The following DLG2 variants were observed in gnomAD, a reference collection of about 807,000 sequenced individuals.
DLG2 encodes the protein disks large homolog 2.
A neutral mutation model predicts 132.5 loss-of-function variants in DLG2; 45 were observed. The observed-to-expected ratio is 0.34, with a 90% CI of 0.27 to 0.44. DLG2 has a LOEUF of 0.44. DLG2 is among the 20% of genes least tolerant of loss of function. The pLI, the probability that DLG2 is intolerant of heterozygous loss-of-function variation, is 1.00. For synonymous variants in DLG2, 424 were observed against 419.6 expected (o/e 1.01, Z -0.13); for missense variants, 1,045 against 1,196.9 (o/e 0.87, Z 1.87).
At chr11:83,688,177 C>A (rs541739104) in intron 18 of DLG2, among the ~76,000 whole-genome samples, 38 of 152,270 alleles carry the variant, frequency 2.5e-4, no homozygotes, top group Non-Finnish European at 4.6e-4. Context: ...GATATAATCC[C>A]ACGCAACGAA....
chr11:83,880,701 A>C (rs1192141627), intron 15 of DLG2, among the ~76,000 whole-genome samples: 2 of 152,226 alleles, frequency 1.3e-5, no homozygotes, highest in Non-Finnish European at 2.9e-5. Context: ...TGTGTAAAGG[A>C]AAGTGCAAGT....
chr11:84,064,077 T>C (rs10898196), intron 10 of DLG2, among the ~76,000 whole-genome samples: 122,902 of 151,752 alleles, frequency 0.81, 50,613 homozygotes, highest in Middle Eastern at 0.92. Flanking sequence ...CAAACCTGCA[T>C]GTTGTGCACA....
chr11:84,191,063 G>A (rs920761449), intron 8 of DLG2, among the ~76,000 whole-genome samples: 1 of 152,150 alleles, frequency 6.6e-6, no homozygotes, highest in African/African-American at 2.4e-5. Context: ...CATTTAAATT[G>A]CAGTTTGGTT....
chr11:83,918,296 G>C (rs2077259899), intron 15 of DLG2, among the ~76,000 whole-genome samples: 2 of 152,162 alleles, frequency 1.3e-5, no homozygotes. Context: ...ATGATTTACA[G>C]CAGAAGGTCT....
chr11:84,683,446 T>C (rs2099735295), intron 6 of DLG2, among the ~76,000 whole-genome samples: 2 of 152,180 alleles, frequency 1.3e-5, no homozygotes, highest in Admixed American at 6.5e-5. Flanking sequence ...TTAACAATCA[T>C]AGTCCAAATA....
intron 3 of DLG2, among the ~76,000 whole-genome samples, chr11:85,574,667 T>C (rs149859991): frequency 2.0e-5 from 3 of 152,210 alleles, no homozygotes; most frequent in East Asian, 1.9e-4. Context: ...CAAGATCTGA[T>C]TGTTAAAAAG....
chr11:84,807,823 T>C (rs1485275670), intron 6 of DLG2, among the ~76,000 whole-genome samples: 1 of 152,200 alleles, frequency 6.6e-6, no homozygotes, highest in Non-Finnish European at 1.5e-5. Flanking sequence ...TACATGTATG[T>C]ACAAATAAGA....
chr11:85,001,061 C>A (rs1046345641), intron 6 of DLG2, among the ~76,000 whole-genome samples: 1 of 151,972 alleles, frequency 6.6e-6, no homozygotes, highest in Non-Finnish European at 1.5e-5. Flanking sequence ...AAGAAGAACC[C>A]TTTTGCCCCA....
rs569985384 is a variant in DLG2 at position 85,285,421 on chromosome 11, C to A, written c.41-56G>T. ...ATGTAATGCATGACTTCATAAATAG[C>A]TTCTGCATATATGTCCATATATAGA... On this transcript the variant is annotated intron_variant, in intron 3 of 27. Coordinates refer to ENST00000376104, the MANE Select transcript of DLG2 (RefSeq NM_001142699.3). 251 of 1,545,388 alleles carry A rather than the reference C, an allele frequency of 1.6e-4. 6 individuals are homozygous for A. The South Asian group carries it at 2.8e-3, about 17-fold the overall frequency.
intron 9 of DLG2, among the ~76,000 whole-genome samples, chr11:84,136,644 G>A (rs936599204): frequency 6.6e-5 from 10 of 152,134 alleles, no homozygotes; most frequent in African/African-American, 2.4e-4. Flanking sequence ...GGCTAGAACT[G>A]AGATTTTTAA....
chr11:85,407,127 A>G (rs1337151889), intron 3 of DLG2, among the ~76,000 whole-genome samples: 1 of 151,864 alleles, frequency 6.6e-6, no homozygotes, highest in Non-Finnish European at 1.5e-5. Flanking sequence ...AATCATAAGA[A>G]TGAAGTCGAA....
At chr11:84,318,153 A>G (rs1189031352) in intron 7 of DLG2, among the ~76,000 whole-genome samples, 1 of 152,220 alleles carries the variant, frequency 6.6e-6, no homozygotes, top group Non-Finnish European at 1.5e-5. Flanking sequence ...GAATTTTCAA[A>G]TTCTTTCACT....
At chr11:85,384,665 T>C (rs1271463612) in intron 3 of DLG2, among the ~76,000 whole-genome samples, 1 of 152,190 alleles carries the variant, frequency 6.6e-6, no homozygotes, top group Non-Finnish European at 1.5e-5. Flanking sequence ...ACCTCCTGGG[T>C]TCAAGTGATT....
chr11:83,616,498 A>ATGT (rs559606625), intron 19 of DLG2, among the ~76,000 whole-genome samples: 4,980 of 97,446 alleles, frequency 0.051, 285 homozygotes, highest in African/African-American at 0.2. Context: ...TTAAAAAAAA[A>ATGT]TGTTTTTTTT....
In DLG2 at chr11:85,403,633, G is replaced by A. The variant is rs1293245711; in HGVS notation, c.41-118268C>T. On this transcript the variant is annotated intron_variant, in intron 3 of 27. Coordinates refer to ENST00000376104, the MANE Select transcript of DLG2 (RefSeq NM_001142699.3). ...ATGCCTAGAGTCTAGTGTTTTGTGG[G>A]CAGGGTAAGGAAAATGCAACTGGAG... Among the ~76,000 whole-genome samples the A allele has an allele frequency of 2.0e-5, 3 of 151,950 alleles. No homozygotes were observed. In the South Asian group the frequency reaches 6.2e-4, roughly 32 times the overall value.
At chr11:84,740,297 G>C (rs538365696) in intron 6 of DLG2, among the ~76,000 whole-genome samples, 1 of 152,066 alleles carries the variant, frequency 6.6e-6, no homozygotes, top group South Asian at 2.1e-4. Flanking sequence ...AAAGGCAAGA[G>C]GGAGGTCCTC....
chr11:83,649,888 G>A (rs1057215761), intron 18 of DLG2, among the ~76,000 whole-genome samples: 3 of 152,158 alleles, frequency 2.0e-5, no homozygotes, highest in African/African-American at 7.2e-5. Context: ...ATTAGCATAG[G>A]TATGAAGGTT....
intron 3 of DLG2, among the ~76,000 whole-genome samples, chr11:85,460,421 G>A (rs1175356055): frequency 6.6e-6 from 1 of 152,178 alleles, no homozygotes; most frequent in African/African-American, 2.4e-5. Flanking sequence ...GCAGAACTGT[G>A]GGTCCCTGGG....
chr11:84,041,364 G>A (rs990471801), intron 11 of DLG2, among the ~76,000 whole-genome samples: 1 of 151,828 alleles, frequency 6.6e-6, no homozygotes, highest in African/African-American at 2.4e-5. Context: ...AGATATTTTG[G>A]TATTGCTCTC....
Sources: allele counts gnomAD v4.1 joint callset (sites outside exome capture counted in the v4.1 genomes callset), GRCh38; gene constraint gnomAD v4.1.1; transcripts MANE v1.5; gene names NCBI Gene and HGNC (gene_info 2026-07-23, HGNC 2026-07-21).